The following MSRA variants were observed in gnomAD, a reference collection of about 807,000 sequenced individuals.
The protein encoded by MSRA is mitochondrial peptide methionine sulfoxide reductase.
MSRA carries 54 observed loss-of-function variants against 31.3 expected under a neutral mutation model. The observed-to-expected ratio is 1.73, with a 90% CI of 1.39 to 2.17. MSRA has a LOEUF of 2.17. Ranked by LOEUF, MSRA falls within the 30% of genes most tolerant of loss-of-function variation. The pLI is 0.00. For synonymous variants in MSRA, 169 were observed against 116.5 expected, an observed-to-expected ratio of 1.45 and a Z score of -2.90; for missense variants, 507 against 300.9, an observed-to-expected ratio of 1.69 and a Z score of -5.07.
intron 5 of MSRA, among the ~76,000 whole-genome samples, chr8:10,427,011 C>G (rs930532988): frequency 3.4e-5 from 3 of 88,866 alleles, no homozygotes; most frequent in African/African-American, 8.6e-5. Flanking sequence ...AACAGAGATG[C>G]AGGAAATAAG....
At chr8:10,235,842 C>G (rs1207392988) in intron 2 of MSRA, among the ~76,000 whole-genome samples, 1 of 151,932 alleles carries the variant, frequency 6.6e-6, no homozygotes, top group Non-Finnish European at 1.5e-5. Context: ...CAATTCTGGA[C>G]AAGGACATTA....
intron 1 of MSRA, among the ~76,000 whole-genome samples, chr8:10,171,919 G>A (rs548853517): frequency 7.9e-5 from 12 of 152,336 alleles, no homozygotes; most frequent in African/African-American, 1.9e-4. Context: ...CTTAATAGAT[G>A]AGAGAATGCA....
chr8:10,350,170 T>C (rs1585551980), intron 5 of MSRA, among the ~76,000 whole-genome samples: 1 of 152,254 alleles, frequency 6.6e-6, no homozygotes, highest in East Asian at 1.9e-4. Flanking sequence ...GTCTGCAGTC[T>C]TCGTTTCTTT....
intron 2 of MSRA, among the ~76,000 whole-genome samples, chr8:10,244,186 G>A (rs1203124933): frequency 6.6e-6 from 1 of 152,188 alleles, no homozygotes. Flanking sequence ...ACTTCATAAA[G>A]CCATATAAAA....
rs142417929 is a variant in MSRA, at chr8:10,059,428, G to A, written c.142+4770G>A. On this transcript the variant is annotated intron_variant, in intron 1 of 5. Transcript: ENST00000317173. ...CAACATACATTGCTAATAAGTAGTGGAGCTGGGATATGAACGTAGTCAGTT... is the reference window on the plus strand; with the variant it reads ...CAACATACATTGCTAATAAGTAGTGAAGCTGGGATATGAACGTAGTCAGTT... Among the ~76,000 whole-genome samples, 296 of 152,300 alleles carry A rather than the reference G, an allele frequency of 1.9e-3. 1 individual carries two copies. Among genetic ancestry groups the A allele is most frequent in the African/African-American group, 6.8e-3 (281 of 41,562 alleles).
intron 4 of MSRA, among the ~76,000 whole-genome samples, chr8:10,316,729 C>T (rs1049293248): frequency 6.6e-6 from 1 of 152,164 alleles, no homozygotes; most frequent in Non-Finnish European, 1.5e-5. Flanking sequence ...TGGTTATATT[C>T]ATAGGGCTTG....
At chr8:10,166,187 T>C (rs1167677041) in intron 1 of MSRA, among the ~76,000 whole-genome samples, 2 of 152,134 alleles carry the variant, frequency 1.3e-5, no homozygotes, top group Non-Finnish European at 2.9e-5. Flanking sequence ...GTAGTGGTGA[T>C]GGTGTTGGTG....
intron 1 of MSRA, among the ~76,000 whole-genome samples, chr8:10,126,547 C>G (rs1186103246): frequency 2.6e-5 from 4 of 152,100 alleles, no homozygotes; most frequent in Non-Finnish European, 5.9e-5. Flanking sequence ...ATGGGGTCTT[C>G]TGTCGCCCAG....
chr8:10,205,031 G>A (rs546765292), intron 1 of MSRA, among the ~76,000 whole-genome samples: 21 of 152,286 alleles, frequency 1.4e-4, no homozygotes, highest in African/African-American at 4.8e-4. Flanking sequence ...GGATGGATGA[G>A]GGATGCTAGT....
chr8:10,250,953 C>A (rs189727196), intron 3 of MSRA: 308 of 153,238 alleles, frequency 2.0e-3, no homozygotes, highest in Non-Finnish European at 2.3e-3. Context: ...TACACACTTT[C>A]TAGCTCTTGG....
chr8:10,365,972 G>T (rs1563398858), intron 5 of MSRA, among the ~76,000 whole-genome samples: 2 of 152,290 alleles, frequency 1.3e-5, no homozygotes, highest in African/African-American at 2.4e-5. Flanking sequence ...TTCCCCTTCA[G>T]TCCTTAGTGC....
Position 10,177,742 on chromosome 8 carries a change from A to G in MSRA, c.143-30091A>G, listed in dbSNP as rs145557037. 4.6e-5 allele frequency among the ~76,000 whole-genome samples: 7 copies of G among 152,346 alleles called. No individual in the cohort carries two copies. In the East Asian group the frequency reaches 1.4e-3, roughly 29 times the overall value. ...TTATTGGCAAGCTTTTTCTAGCAGC[A>G]GGTCTATGGACAGCCCTGAAATTTC... On this transcript the variant is annotated intron_variant, in intron 1 of 5. Transcript: ENST00000317173.
intron 3 of MSRA, among the ~76,000 whole-genome samples, chr8:10,251,513 C>G (rs778062107): frequency 6.6e-6 from 1 of 152,146 alleles, no homozygotes; most frequent in African/African-American, 2.4e-5. Flanking sequence ...GCAATTTGAT[C>G]GCTTTTTATT....
rs143770886 is a variant in MSRA at position 10,281,817 on chromosome 8, T to C, written c.332-19717T>C. ...GCGCTGATCAAGACGAAGGCTATTA[T>C]CGAGCTGGGATCCAAACATCTGAAG... On this transcript the variant is annotated intron_variant, in intron 3 of 5. Coordinates refer to ENST00000317173, the MANE Select transcript of MSRA (RefSeq NM_012331.5). Among the ~76,000 whole-genome samples the C allele has an allele frequency of 1.0e-3, 152 of 152,328 alleles. No homozygotes were observed. The East Asian group carries it at 0.022, about 22-fold the overall frequency.
chr8:10,091,846 A>G (rs549448796), intron 1 of MSRA, among the ~76,000 whole-genome samples: 27 of 152,130 alleles, frequency 1.8e-4, no homozygotes, highest in African/African-American at 3.1e-4. Flanking sequence ...TCCTCAGGCA[A>G]TCTGCTTGGC....
At position 10,356,201 on chromosome 8, in the gene MSRA, C is replaced by T. The variant is rs12216767; in HGVS notation, c.543+36212C>T. Among the ~76,000 whole-genome samples the T allele has an allele frequency of 3.2e-3, 492 of 152,326 alleles. 2 individuals carry two copies. Among genetic ancestry groups the T allele is most frequent in the Non-Finnish European group, 4.6e-3 (310 of 68,026 alleles). On this transcript the variant is annotated intron_variant, in intron 5 of 5. Coordinates refer to ENST00000317173, the MANE Select transcript of MSRA (RefSeq NM_012331.5). ...TCTTTTCTCTAGATCAAGCTTAGAA[C>T]ATTCTATGTTGTTTTCCGTATGGTT...
chr8:10,170,706 G>C (rs1805519459), intron 1 of MSRA, among the ~76,000 whole-genome samples: 1 of 152,164 alleles, frequency 6.6e-6, no homozygotes, highest in Admixed American at 6.6e-5. Context: ...GCCATTTTAT[G>C]TCAGGGACTT....
intron 5 of MSRA, among the ~76,000 whole-genome samples, chr8:10,388,001 A>C (rs1806499164): frequency 6.6e-6 from 1 of 152,144 alleles, no homozygotes; most frequent in Non-Finnish European, 1.5e-5. Context: ...AGTACAGGGG[A>C]GGGGAAAAAA....
intron 1 of MSRA, among the ~76,000 whole-genome samples, chr8:10,143,909 G>T (rs2129032529): frequency 6.6e-6 from 1 of 152,190 alleles, no homozygotes; most frequent in Non-Finnish European, 1.5e-5. Flanking sequence ...GTAGATTCTT[G>T]TCTGCTGCTT....
Sources: allele counts gnomAD v4.1 joint callset (sites outside exome capture counted in the v4.1 genomes callset), GRCh38; gene constraint gnomAD v4.1.1; transcripts MANE v1.5; gene names NCBI Gene and HGNC (gene_info 2026-07-23, HGNC 2026-07-21).